Variants in NFKBID observed in about 807,000 individuals in gnomAD.
The protein encoded by NFKBID is NF-kappa-B inhibitor delta.
In NFKBID, 26 loss-of-function variants were observed where a neutral mutation model predicts 53.4. The ratio of observed to expected loss-of-function variants is 0.49; its 90% CI spans 0.36 to 0.68. The LOEUF (loss-of-function observed/expected upper bound fraction) is 0.68, where lower values mean the gene tolerates loss of function less well. Among genes scored for constraint, NFKBID ranks in the 30% least tolerant of loss-of-function variants. NFKBID has a pLI of 0.00. For missense variants in NFKBID, 493 were observed against 614.1 expected (o/e 0.80, Z 2.08); for synonymous variants, 262 against 259.8 (o/e 1.01, Z -0.08).
chr19:35,890,899 C>T (rs1347852589), intron 9 of NFKBID, among the ~76,000 whole-genome samples: 6 of 152,144 alleles, frequency 3.9e-5, no homozygotes, highest in African/African-American at 1.4e-4. Context: ...TGCTGGCCCT[C>T]TTCTGCGAGC....
At chr19:35,889,995 C>T in exon 11 of NFKBID, 2 of 1,610,170 alleles carry the variant, frequency 1.2e-6, no homozygotes, top group Non-Finnish European at 1.7e-6. Flanking sequence ...GCACGATGGC[C>T]TCCTGGGCCG....
intron 1 of NFKBID, 98 bp from the exon 2 acceptor site, chr19:35,898,920 G>T (rs1975383290): frequency 3.5e-6 from 3 of 846,166 alleles, no homozygotes; most frequent in Admixed American, 4.9e-5. Context: ...CACCCTCCTC[G>T]CCCTCCCGCG....
chr19:35,888,146 G>T, downstream of NFKBID: 1 of 170,560 alleles, frequency 5.9e-6, no homozygotes, highest in Non-Finnish European at 1.3e-5. Context: ...GTCCCGGGGA[G>T]GGTGAGGAGG....
chr19:35,889,980 G>A, exon 11 of NFKBID: 1 of 1,611,300 alleles, frequency 6.2e-7, no homozygotes, highest in Non-Finnish European at 8.5e-7. Flanking sequence ...CTGCCAACAG[G>A]TGCCGCACGA....
exon 2 of NFKBID, chr19:35,898,770 C>T: frequency 6.5e-7 from 1 of 1,536,120 alleles, no homozygotes; most frequent in Non-Finnish European, 8.7e-7. Context: ...TCTGCTCTTC[C>T]AGAAGCTTCT....
chr19:35,900,225 TCCCCAGGCCCCTGCAC>T (rs1975485387), intron 1 of NFKBID, among the ~76,000 whole-genome samples: 1 of 151,010 alleles, frequency 6.6e-6, no homozygotes, highest in South Asian at 2.1e-4. Context: ...CGATCCTGGA[TCCCCAGGCCCCTGCAC>T]CCCCAGGACC....
At chr19:35,893,799 G>C (rs1974947882) in intron 9 of NFKBID, among the ~76,000 whole-genome samples, 2 of 149,110 alleles carry the variant, frequency 1.3e-5, no homozygotes, top group African/African-American at 5.0e-5. Context: ...CAGCCTGGGT[G>C]ACAGAGCGAG....
At chr19:35,901,432 T>C (rs1200673705), upstream of NFKBID, 2 of 152,166 alleles carry the variant, frequency 1.3e-5, no homozygotes, top group African/African-American at 2.4e-5. Flanking sequence ...GGCATTTTGC[T>C]GTGTATTGTG....
Position 35,898,829 on chromosome 19 carries a change from G to A in NFKBID, c.62-7C>T. The A allele has an allele frequency of 1.3e-6, 2 of 1,534,178 alleles. No homozygotes were observed. The highest frequency in any genetic ancestry group is 8.7e-7 in the Non-Finnish European group (1 of 1,145,168). On this transcript the variant is annotated splice_polypyrimidine_tract_variant and splice_region_variant and intron_variant, in intron 1 of 11. Transcript: ENST00000641389. The stretch of plus-strand genomic sequence containing the variant: ...CTGCGCTCACCCCTGCTCACTGTGC[G>A]GGAGAGGAGAGGGGGAAGTCATCAA...
At chr19:35,888,461 T>A in exon 12 of NFKBID, 1 of 879,414 alleles carries the variant, frequency 1.1e-6, no homozygotes, top group Non-Finnish European at 1.9e-6. Flanking sequence ...GGCAGGATAT[T>A]CCACATACAT....
intron 11 of NFKBID, 33 bp downstream of exon 11, chr19:35,889,857 G>T: frequency 9.5e-6 from 15 of 1,570,712 alleles, no homozygotes; most frequent in Non-Finnish European, 1.3e-5. Context: ...GAGCTCAGAG[G>T]CCACTCTACA....
chr19:35,897,129 C>A, intron 4 of NFKBID, 71 bp from the exon 5 acceptor site: 1 of 1,511,236 alleles, frequency 6.6e-7, no homozygotes, highest in Non-Finnish European at 8.9e-7. Flanking sequence ...GGTGGGGAGA[C>A]CCAGTCAGCT....
At chr19:35,897,822 C>A in exon 4 of NFKBID, 1 of 1,574,180 alleles carries the variant, frequency 6.4e-7, no homozygotes, top group Non-Finnish European at 8.6e-7. Flanking sequence ...GTCCAGAACC[C>A]ACAGTCTCCG....
chr19:35,895,946 C>A (rs200998327), intron 9 of NFKBID, 34 bp downstream of exon 9: 187 of 1,590,066 alleles, frequency 1.2e-4, no homozygotes, highest in Non-Finnish European at 3.8e-5. Flanking sequence ...TCCACACAAT[C>A]TCCCAGGGTC....
At chr19:35,900,316 TAGGGCC>T (rs1975490599) in intron 1 of NFKBID, 120 bp downstream of exon 1, 5 of 727,100 alleles carry the variant, frequency 6.9e-6, no homozygotes, top group Non-Finnish European at 9.5e-6. Flanking sequence ...TCCAAACACC[TAGGGCC>T]CTCACTCTCG....
At chr19:35,890,112 A>C (rs1248380588) in intron 10 of NFKBID, 58 bp from the exon 11 acceptor site, 5 of 1,500,200 alleles carry the variant, frequency 3.3e-6, no homozygotes, top group Non-Finnish European at 4.5e-6. Context: ...CAGGCCTCTA[A>C]ACTGCACTTC....
chr19:35,889,892 C>G lies in NFKBID; in HGVS notation c.1312G>C (p.Gly438Arg), dbSNP rs756682211. Residue 438 changes from glycine (G) to arginine (R), a missense_variant and splice_region_variant, in exon 11 of 12, where the codon GGG becomes CGG. Physicochemically the swap from Gly to Arg is moderately radical, Grantham distance 125 (BLOSUM62 -2). This residue lies in a region of NFKBID where 267 missense variants were observed against 384.6 expected (regional missense o/e 0.69). Transcript: ENST00000641389. ...AGGCAGGCTCAGTGCTTACTTACCC[C>G]CTCAGGGCCCGGCCCGGGCCGCAGC... 2.2e-5 allele frequency: 36 copies of G among 1,606,576 alleles called. No individual in the cohort carries two copies. The African/African-American group carries it at 2.5e-4, about 11-fold the overall frequency.
chr19:35,900,413 GC>G (rs758767325), intron 1 of NFKBID, 28 bp downstream of exon 1: 16 of 1,227,432 alleles, frequency 1.3e-5, no homozygotes, highest in Non-Finnish European at 1.6e-5. Context: ...CTCTTAGGGG[GC>G]CGAACGCGTC....
chr19:35,895,170 T>C (rs1489144629), intron 9 of NFKBID, among the ~76,000 whole-genome samples: 3 of 151,778 alleles, frequency 2.0e-5, no homozygotes, highest in Admixed American at 1.3e-4. Context: ...AGGTCAGTAA[T>C]ATTATTCCCA....
Sources: allele counts gnomAD v4.1 joint callset (sites outside exome capture counted in the v4.1 genomes callset), GRCh38; gene constraint gnomAD v4.1.1; regional missense constraint gnomAD v4.1.1; transcripts MANE v1.5; gene names NCBI Gene and HGNC (gene_info 2026-07-23, HGNC 2026-07-21).